Variants in MFAP5 observed in about 807,000 individuals in gnomAD.
MFAP5 encodes the protein microfibrillar-associated protein 5.
In MFAP5, 19 loss-of-function variants were observed where a neutral mutation model predicts 30.1. The ratio of observed to expected loss-of-function variants is 0.63; its 90% CI spans 0.44 to 0.93. The LOEUF (loss-of-function observed/expected upper bound fraction) is 0.93. Ranked by LOEUF, MFAP5 falls within the 40% of genes least tolerant of loss-of-function variation. The pLI is 0.00. For synonymous variants in MFAP5, 92 were observed against 72.9 expected (o/e 1.26, Z -1.33); for missense variants, 210 against 221.3 (o/e 0.95, Z 0.32).
intron 5 of MFAP5, 124 bp from the exon 6 acceptor site, chr12:8,654,605 G>A: frequency 2.5e-6 from 2 of 815,706 alleles, no homozygotes; most frequent in South Asian, 1.8e-5. Flanking sequence ...TGTGTTTTAT[G>A]TATAAGGGAA....
At chr12:8,650,239 A>G (rs994343848) in intron 8 of MFAP5, 9 of 439,070 alleles carry the variant, frequency 2.0e-5, no homozygotes, top group African/African-American at 1.8e-4. Flanking sequence ...TAAATTGAGC[A>G]TGCCAGTATT....
intron 6 of MFAP5, among the ~76,000 whole-genome samples, chr12:8,653,705 C>G (rs1044912088): frequency 6.6e-6 from 1 of 152,078 alleles, no homozygotes; most frequent in Non-Finnish European, 1.5e-5. Context: ...TCCTGATTAT[C>G]GAATTTTGTG....
intron 2 of MFAP5, 104 bp from the exon 3 acceptor site, chr12:8,661,002 A>G (rs1942134679): frequency 5.1e-6 from 5 of 975,946 alleles, no homozygotes; most frequent in Non-Finnish European, 7.8e-6. Context: ...GTTATACTTT[A>G]TCTTTGTGAC....
At position 8,662,073 on chromosome 12, in the gene MFAP5, A is replaced by C; in HGVS notation, c.32T>G (p.Phe11Cys). The C allele has an allele frequency of 6.2e-7, 1 of 1,613,934 alleles. No individual in the cohort carries two copies. The highest frequency in any genetic ancestry group is 8.5e-7 in the Non-Finnish European group (1 of 1,180,020). Residue 11 changes from phenylalanine to cysteine, a missense_variant, in exon 2 of 10, where the codon TTT (phenylalanine) becomes TGT (cysteine). By Grantham distance (205) the Phe-to-Cys change is radical (BLOSUM62 -2). Transcript: ENST00000359478. The part of the protein sequence containing the change: MSLLGPKVLL[F>C]LAAFIITSDW... The stretch of plus-strand genomic sequence containing the variant: ...AGAGGTGATGATGAATGCAGCAAGA[A>C]ACAGCAGCACCTTGGGTCCCAAGAG...
At position 8,649,515 on chromosome 12, in the gene MFAP5, T is replaced by C; in HGVS notation, c.395A>G (p.His132Arg). 1.9e-6 allele frequency: 3 copies of C among 1,614,010 alleles called. No individual in the cohort carries two copies. The highest frequency in any genetic ancestry group is 2.5e-6 in the Non-Finnish European group (3 of 1,179,952). ...CATCATCTTACCTTTCATAGCTTCG[T>C]GTTCCTTACAGACAAGACGAGAGCA... ...EICSRLVCKE[H>R]EAMKDELCRQ... Residue 132 changes from histidine (H) to arginine (R), a missense_variant, in exon 9 of 10, where the codon CAC (histidine) becomes CGC (arginine). Physicochemically the swap from His to Arg is conservative, Grantham distance 29. Transcript: ENST00000359478.
chr12:8,650,100 G>T, intron 8 of MFAP5, among the ~76,000 whole-genome samples: 1 of 152,140 alleles, frequency 6.6e-6, no homozygotes, highest in East Asian at 1.9e-4. Flanking sequence ...TTGTTGCAAA[G>T]GCCATTGTTT....
At chr12:8,656,643 C>CAT (rs1942003697) in intron 3 of MFAP5, among the ~76,000 whole-genome samples, 2 of 119,266 alleles carry the variant, frequency 1.7e-5, no homozygotes, top group African/African-American at 3.4e-5. Flanking sequence ...CACACACACA[C>CAT]ACACACATAT....
At chr12:8,656,591 TACACACACACAC>T (rs1268100031) in intron 3 of MFAP5, among the ~76,000 whole-genome samples, 5 of 130,872 alleles carry the variant, frequency 3.8e-5, no homozygotes, top group African/African-American at 1.6e-4. Context: ...TATATATATA[TACACACACACAC>T]ACACACATAT....
At chr12:8,650,924 T>C (rs1378769145) in intron 7 of MFAP5, among the ~76,000 whole-genome samples, 1 of 152,176 alleles carries the variant, frequency 6.6e-6, no homozygotes, top group Non-Finnish European at 1.5e-5. Flanking sequence ...TCCAGCACTT[T>C]GCGGGGACGA....
rs1037062793 is a variant in MFAP5 at position 8,655,503 on chromosome 12, A to G, written c.140-56T>C. ...ATGCAGTCAGGAAAAGTAGCTAAGG[A>G]AAGCAGGATAAGGGGACGATGATCT... On this transcript the variant is annotated intron_variant, in intron 4 of 9. Transcript: ENST00000359478. 9.7e-6 allele frequency: 15 copies of G among 1,549,564 alleles called. No homozygotes were observed. In the African/African-American group the frequency reaches 1.8e-4, roughly 19 times the overall value.
chr12:8,659,798 A>C (rs1294424847), intron 3 of MFAP5, among the ~76,000 whole-genome samples: 1 of 152,194 alleles, frequency 6.6e-6, no homozygotes, highest in East Asian at 1.9e-4. Flanking sequence ...ATAATACTTT[A>C]CTCTTGCAAA....
chr12:8,653,296 C>T (rs1941893194), intron 6 of MFAP5, among the ~76,000 whole-genome samples: 2 of 152,082 alleles, frequency 1.3e-5, no homozygotes, highest in Admixed American at 1.3e-4. Flanking sequence ...TACCTTGATT[C>T]AGGGCAGCAT....
intron 3 of MFAP5, chr12:8,658,464 T>C (rs938736662): frequency 1.3e-5 from 2 of 152,262 alleles, no homozygotes; most frequent in South Asian, 2.1e-4. Context: ...GGAAGAACAA[T>C]CTTTTAACAA....
At chr12:8,660,743 A>C in intron 3 of MFAP5, 120 bp downstream of exon 3, 1 of 871,642 alleles carries the variant, frequency 1.1e-6, no homozygotes, top group Non-Finnish European at 1.8e-6. Context: ...TGTTGTAGGA[A>C]ATATTCTTTT....
Position 8,650,538 on chromosome 12 carries a change from G to T in MFAP5, c.299C>A (p.Pro100Gln). 2 of 1,614,066 alleles carry T rather than the reference G, an allele frequency of 1.2e-6. No individual in the cohort carries two copies. Among genetic ancestry groups the T allele is most frequent in the African/African-American group, 2.7e-5 (2 of 75,000 alleles). Residue 100 changes from proline to glutamine, a missense_variant, in exon 8 of 10, where the codon CCG becomes CAG. Physicochemically the swap from Pro to Gln is moderately conservative, Grantham distance 76. Transcript: ENST00000359478. ...TCTRLYSVHRPVKQCIHQLCF... is the reference protein window; with the variant it reads ...TCTRLYSVHRQVKQCIHQLCF... ...TAACTGATGAATGCATTGTTTAACC[G>T]GCCGATGCACAGAGTAGAGCCTTGT... is the stretch of plus-strand genomic sequence containing the variant.
At chr12:8,651,156 G>C (rs1425656078) in intron 7 of MFAP5, among the ~76,000 whole-genome samples, 2 of 152,020 alleles carry the variant, frequency 1.3e-5, no homozygotes, top group Non-Finnish European at 2.9e-5. Flanking sequence ...GACAGAGTGA[G>C]ACTCCATCTC....
At chr12:8,648,993 A>G (rs955870105) in intron 9 of MFAP5, among the ~76,000 whole-genome samples, 2 of 152,132 alleles carry the variant, frequency 1.3e-5, no homozygotes, top group African/African-American at 4.8e-5. Context: ...AGAAATGTTC[A>G]TTGTTCTTGG....
At chr12:8,654,149 C>T in intron 6 of MFAP5, 1 of 248,790 alleles carries the variant, frequency 4.0e-6, no homozygotes, top group Non-Finnish European at 7.5e-6. Flanking sequence ...AAAAAAAATT[C>T]AGTCAAAGCA....
At chr12:8,655,728 T>C (rs2136471217) in intron 4 of MFAP5, 58 bp downstream of exon 4, 1 of 1,562,112 alleles carries the variant, frequency 6.4e-7, no homozygotes, top group African/African-American at 1.4e-5. Context: ...GTAGACATGA[T>C]CCTTTATCTA....
Sources: allele counts gnomAD v4.1 joint callset (sites outside exome capture counted in the v4.1 genomes callset), GRCh38; gene constraint gnomAD v4.1.1; transcripts MANE v1.5; gene names NCBI Gene and HGNC (gene_info 2026-07-23, HGNC 2026-07-21).